FAR2: variants seen among roughly 807,000 people sequenced by gnomAD.
FAR2 encodes fatty acyl-CoA reductase 2.
A neutral mutation model predicts 56.0 loss-of-function variants in FAR2; 19 were observed. The observed-to-expected ratio is 0.34, with a 90% CI of 0.24 to 0.50. The LOEUF (loss-of-function observed/expected upper bound fraction) is 0.50. Ranked by LOEUF, FAR2 falls within the 20% of genes least tolerant of loss-of-function variation. FAR2 has a pLI of 0.98. For synonymous variants in FAR2, 219 were observed against 218.8 expected, an observed-to-expected ratio of 1.00 and a Z score of -0.01; for missense variants, 508 against 642.2, an observed-to-expected ratio of 0.79 and a Z score of 2.26.
intron 1 of FAR2, among the ~76,000 whole-genome samples, chr12:29,168,655 G>C (rs2136584526): frequency 6.6e-6 from 1 of 152,316 alleles, no homozygotes; most frequent in South Asian, 2.1e-4. Context: ...GATGTGTCCA[G>C]AGTTTCTTCC....
chr12:29,293,155 C>A, intron 2 of FAR2, 145 bp from the exon 3 acceptor site: 1 of 626,766 alleles, frequency 1.6e-6, no homozygotes, highest in Non-Finnish European at 2.5e-6. Context: ...GCATATGCCA[C>A]CATGCCCAGC....
intron 10 of FAR2, among the ~76,000 whole-genome samples, chr12:29,327,407 A>G (rs1234673680): frequency 6.6e-6 from 1 of 152,224 alleles, no homozygotes; most frequent in Admixed American, 6.5e-5. Context: ...AAACTACTTT[A>G]AAGTTCATAT....
At chr12:29,251,349 G>A (rs1418077711) in intron 1 of FAR2, among the ~76,000 whole-genome samples, 2 of 152,122 alleles carry the variant, frequency 1.3e-5, no homozygotes, top group African/African-American at 4.8e-5. Flanking sequence ...TTCCCCAAAG[G>A]CACCCTTGGC....
intron 2 of FAR2, among the ~76,000 whole-genome samples, chr12:29,273,488 C>T (rs1186987124): frequency 6.6e-6 from 1 of 152,160 alleles, no homozygotes; most frequent in Non-Finnish European, 1.5e-5. Context: ...GTCTTGGGAC[C>T]AAGCCATCCA....
At chr12:29,154,409 TTTTTGTTTTTTTTTTTG>T (rs1012630479) in intron 1 of FAR2, among the ~76,000 whole-genome samples, 3 of 147,986 alleles carry the variant, frequency 2.0e-5, no homozygotes, top group African/African-American at 7.8e-5. Context: ...TGTGGTTTTG[TTTTTGTTTTTTTTTTTG>T]TTTTGTTTTG....
In FAR2 at chr12:29,307,709, T is replaced by C; in HGVS notation, c.597T>C (p.Asp199=). 2 of 1,613,836 alleles carry C rather than the reference T, an allele frequency of 1.2e-6. No individual in the cohort carries two copies. The highest frequency in any genetic ancestry group is 8.5e-7 in the Non-Finnish European group (1 of 1,179,846). ...AGATTACACCCAAGCTGATCAGAGA[T>C]TGGCCCAATATTTATACCTACACCA... is the stretch of plus-strand genomic sequence containing the variant. ...IDEITPKLIR[D]WPNIYTYTKA... The change falls in exon 5 of 12, where the codon GAT becomes GAC. Residue 199 remains aspartate, a synonymous_variant. Coordinates refer to ENST00000536681, the MANE Select transcript of FAR2 (RefSeq NM_001271783.2).
chr12:29,186,286 T>C (rs981249014), intron 1 of FAR2, among the ~76,000 whole-genome samples: 2 of 152,158 alleles, frequency 1.3e-5, no homozygotes, highest in African/African-American at 4.8e-5. Flanking sequence ...GTGGCCCCCA[T>C]ATTGCAGCTC....
chr12:29,322,277 T>C (rs1450296624), intron 10 of FAR2, among the ~76,000 whole-genome samples: 1 of 152,242 alleles, frequency 6.6e-6, no homozygotes, highest in Admixed American at 6.5e-5. Context: ...CCACAGCATA[T>C]GACTTCAATG....
chr12:29,292,526 C>A (rs372276608), intron 2 of FAR2, among the ~76,000 whole-genome samples: 20 of 152,084 alleles, frequency 1.3e-4, no homozygotes, highest in African/African-American at 4.6e-4. Flanking sequence ...ATTTAGCATG[C>A]TTATGATTGA....
chr12:29,197,664 TTAATA>T (rs1164700380), intron 1 of FAR2, among the ~76,000 whole-genome samples: 2 of 152,196 alleles, frequency 1.3e-5, no homozygotes, highest in Non-Finnish European at 2.9e-5. Flanking sequence ...AAAAGTTTAA[TTAATA>T]TATTTTTTAA....
At chr12:29,218,228 G>A (rs1486234724) in intron 1 of FAR2, among the ~76,000 whole-genome samples, 5 of 151,946 alleles carry the variant, frequency 3.3e-5, no homozygotes, top group African/African-American at 1.2e-4. Context: ...GTATGATGGC[G>A]GGCACCTGTA....
intron 2 of FAR2, among the ~76,000 whole-genome samples, chr12:29,279,791 G>C (rs1394788492): frequency 6.6e-6 from 1 of 152,046 alleles, no homozygotes; most frequent in African/African-American, 2.4e-5. Context: ...AGAGACCATG[G>C]CCTAGTTACC....
At chr12:29,311,850 T>C (rs755707907) in intron 7 of FAR2, 33 bp from the exon 8 acceptor site, 2 of 1,433,374 alleles carry the variant, frequency 1.4e-6, no homozygotes, top group Non-Finnish European at 1.9e-6. Context: ...TTCTATTTTG[T>C]TGTACTTATC....
At chr12:29,194,014 T>C (rs553992132) in intron 1 of FAR2, among the ~76,000 whole-genome samples, 65 of 152,320 alleles carry the variant, frequency 4.3e-4, no homozygotes, top group Middle Eastern at 3.4e-3. Context: ...ACTAGAGACA[T>C]GTTATTCTAA....
chr12:29,257,571 C>T (rs546486740), intron 1 of FAR2, among the ~76,000 whole-genome samples: 2 of 152,264 alleles, frequency 1.3e-5, no homozygotes, highest in Admixed American at 1.3e-4. Flanking sequence ...TCCACACTGC[C>T]TTTATGAGCT....
At chr12:29,264,447 A>G (rs569270253) in intron 1 of FAR2, among the ~76,000 whole-genome samples, 4 of 152,184 alleles carry the variant, frequency 2.6e-5, no homozygotes, top group Admixed American at 2.6e-4. Flanking sequence ...ATGTTATTCA[A>G]CATAGTACTG....
At chr12:29,241,492 A>G (rs1028380767) in intron 1 of FAR2, among the ~76,000 whole-genome samples, 1 of 151,938 alleles carries the variant, frequency 6.6e-6, no homozygotes, top group Non-Finnish European at 1.5e-5. Flanking sequence ...TCTCTGCAGG[A>G]AAAAAAATGA....
intron 1 of FAR2, among the ~76,000 whole-genome samples, chr12:29,175,304 C>T (rs1949926846): frequency 6.6e-6 from 1 of 152,174 alleles, no homozygotes; most frequent in Non-Finnish European, 1.5e-5. Context: ...GTGAGTGTTA[C>T]AGCTCTTAAA....
At chr12:29,179,854 A>G (rs1338044102) in intron 1 of FAR2, among the ~76,000 whole-genome samples, 1 of 152,122 alleles carries the variant, frequency 6.6e-6, no homozygotes, top group Non-Finnish European at 1.5e-5. Context: ...AATATGGGCC[A>G]TTTTCTCTAT....
Sources: allele counts gnomAD v4.1 joint callset (sites outside exome capture counted in the v4.1 genomes callset), GRCh38; gene constraint gnomAD v4.1.1; transcripts MANE v1.5; gene names NCBI Gene and HGNC (gene_info 2026-07-23, HGNC 2026-07-21).